Variants in TSPEAR observed in about 807,000 individuals in gnomAD.
TSPEAR encodes thrombospondin-type laminin G domain and EAR repeat-containing protein.
In TSPEAR, 69 loss-of-function variants were observed where a neutral mutation model predicts 71.6. The ratio of observed to expected loss-of-function variants is 0.96; its 90% confidence interval spans 0.79 to 1.18. TSPEAR has a LOEUF of 1.18. TSPEAR is among the 50% of genes most tolerant of loss of function. The probability of loss-of-function intolerance (pLI) is 0.00; values close to 1 mark genes in which losing one functional copy is unlikely to be tolerated. For synonymous variants in TSPEAR, 402 were observed against 387.2 expected (o/e 1.04, Z -0.45); for missense variants, 971 against 894.9 (o/e 1.09, Z -1.09).
intron 1 of TSPEAR, among the ~76,000 whole-genome samples, chr21:44,652,234 C>T (rs932233841): frequency 6.6e-6 from 1 of 152,218 alleles, no homozygotes; most frequent in African/African-American, 2.4e-5. Flanking sequence ...CCGCCCGCCT[C>T]GGCCTCCCAG....
chr21:44,600,760 T>G, intron 1 of TSPEAR: 1 of 1,600,774 alleles, frequency 6.2e-7, no homozygotes, highest in Non-Finnish European at 8.5e-7. Flanking sequence ...GCCCCCCTGC[T>G]GCGCCCCGGC....
At chr21:44,573,757 C>T in intron 1 of TSPEAR, 4 of 1,613,282 alleles carry the variant, frequency 2.5e-6, no homozygotes, top group African/African-American at 2.7e-5. Flanking sequence ...GCAGCATCCA[C>T]CATGTCCGTC....
rs1358855945 is a variant in TSPEAR, at chr21:44,513,030, A to ATGAT, written c.1567-3648_1567-3645dup. On this transcript the variant is annotated intron_variant, in intron 9 of 11. Transcript: ENST00000323084. ...GTTCAATCTAAATTTCAGACAACGA[A>ATGAT]TGATTCTTTAGTCTGTGTGTATCCC... Among the ~76,000 whole-genome samples, 6 of 152,228 alleles carry ATGAT rather than the reference A, an allele frequency of 3.9e-5. 1 individual carries two copies. Among genetic ancestry groups the ATGAT allele is most frequent in the Admixed American group, 3.3e-4 (5 of 15,288 alleles).
intron 1 of TSPEAR, among the ~76,000 whole-genome samples, chr21:44,667,911 T>C (rs55849917): frequency 1.6e-3 from 242 of 152,298 alleles, no homozygotes; most frequent in Non-Finnish European, 2.9e-3. Flanking sequence ...AGAAGAAAAC[T>C]ACCTCAACAC....
chr21:44,517,535 T>G, intron 9 of TSPEAR: 1 of 342,492 alleles, frequency 2.9e-6, no homozygotes, highest in South Asian at 2.2e-5. Context: ...TGAGTACAGG[T>G]CCAGCTAGGC....
At chr21:44,569,653 T>C (rs1410399365) in intron 1 of TSPEAR, among the ~76,000 whole-genome samples, 2 of 152,166 alleles carry the variant, frequency 1.3e-5, no homozygotes, top group African/African-American at 4.8e-5. Flanking sequence ...TTACTATTTA[T>C]GCAATTAAAC....
At chr21:44,658,022 T>C in intron 1 of TSPEAR, 1 of 1,613,974 alleles carries the variant, frequency 6.2e-7, no homozygotes, top group South Asian at 1.1e-5. Context: ...GCCAACCTGC[T>C]GCATACACAG....
At chr21:44,597,432 C>CTTTCTTTTTTTTTTTTTTTTT (rs1980437877) in intron 1 of TSPEAR, among the ~76,000 whole-genome samples, 2 of 130,616 alleles carry the variant, frequency 1.5e-5, no homozygotes, top group African/African-American at 6.5e-5. Flanking sequence ...TTCTTTCTTT[C>CTTTCTTTTTTTTTTTTTTTTT]TTTTCTTTTT....
intron 11 of TSPEAR, among the ~76,000 whole-genome samples, chr21:44,502,192 G>A (rs28429122): frequency 0.04 from 6,044 of 152,226 alleles, 436 homozygotes; most frequent in African/African-American, 0.14. Flanking sequence ...GCCCTGGCCC[G>A]GATGGCCCAC....
chr21:44,528,603 G>A lies in TSPEAR; in HGVS notation c.791-20C>T. On this transcript the variant is annotated intron_variant, in intron 5 of 11. Transcript: ENST00000323084. Reference sequence around the variant, plus strand: ...TGGTTTCTGAGGGGAAGACCAGGAAGATGAGTTTCCAGCAAGCCAGTGCCC... The same window carrying A: ...TGGTTTCTGAGGGGAAGACCAGGAAAATGAGTTTCCAGCAAGCCAGTGCCC... 1.2e-6 allele frequency: 2 copies of A among 1,612,442 alleles called. No individual in the cohort carries two copies. Among genetic ancestry groups the A allele is most frequent in the Non-Finnish European group, 1.7e-6 (2 of 1,179,274 alleles).
At chr21:44,669,090 A>C (rs55962178) in intron 1 of TSPEAR, among the ~76,000 whole-genome samples, 6,000 of 152,330 alleles carry the variant, frequency 0.039, 128 homozygotes, top group Middle Eastern at 0.085. Context: ...AAGAATTAAG[A>C]AAAATGAAAA....
chr21:44,516,286 TGCCAGGCCTTGTTTATCTGGGAGC>T lies in TSPEAR; in HGVS notation c.1566+5573_1566+5596del, dbSNP rs1555913416. On this transcript the variant is annotated intron_variant, in intron 9 of 11. Coordinates refer to ENST00000323084, the MANE Select transcript of TSPEAR (RefSeq NM_144991.3). ...CCACATGCAGGGCAGTGGCCAGGGC[TGCCAGGCCTTGTTTATCTGGGAGC>T]GCCAGGCTGCCTGCCTGCACCTGGT... is the stretch of plus-strand genomic sequence containing the variant. 2.0e-5 allele frequency: 3 copies of T among 152,306 alleles called. No individual in the cohort carries two copies. The East Asian group carries it at 5.8e-4, about 29-fold the overall frequency. 9.4% of individuals were successfully genotyped at this position (152,306 alleles called of 1,614,324 possible).
In TSPEAR at chr21:44,527,348, G is replaced by C. The variant is rs782360263; in HGVS notation, c.1093C>G (p.Gln365Glu). 1 of 1,614,226 alleles carries C rather than the reference G, an allele frequency of 6.2e-7. No individual in the cohort carries two copies. Among genetic ancestry groups the C allele is most frequent in the South Asian group, 1.1e-5 (1 of 91,080 alleles). Residue 365 changes from glutamine (Q) to glutamate (E), a missense_variant, in exon 7 of 12, where the codon CAG becomes GAG. Gln to Glu is a conservative substitution (Grantham distance 29). Coordinates refer to ENST00000323084, the MANE Select transcript of TSPEAR (RefSeq NM_144991.3). ...TGTGCTTGGTGCGTGGGGATGTTCT[G>C]ATATGAGACGAACTTCTCTTCGGTC... ...KWTEEKFVSYQNIPTHQAQAW... is the reference protein window; with the variant it reads ...KWTEEKFVSYENIPTHQAQAW...
chr21:44,575,238 T>G, intron 1 of TSPEAR: 4 of 588,228 alleles, frequency 6.8e-6, no homozygotes, highest in Non-Finnish European at 9.3e-6. Context: ...CTCCCCTCCA[T>G]ATCTCCCACC....
In TSPEAR at chr21:44,557,921, A is replaced by C. The variant is rs1454766141; in HGVS notation, c.303+9864T>G. On this transcript the variant is annotated intron_variant, in intron 2 of 11. Transcript: ENST00000323084. Reference sequence around the variant, plus strand: ...CATGCCTGGAGGGAATCGGCATGAAAGCTCAGCATTGCTGGCTGGAGGTGC... The same window carrying C: ...CATGCCTGGAGGGAATCGGCATGAACGCTCAGCATTGCTGGCTGGAGGTGC... 4 of 1,116,932 alleles carry C rather than the reference A, an allele frequency of 3.6e-6. No homozygotes were observed. In the African/African-American group the frequency reaches 6.3e-5, roughly 18 times the overall value. 69.2% of individuals were successfully genotyped at this position (1,116,932 alleles called of 1,614,324 possible).
rs60258195 is a variant in TSPEAR at position 44,510,345 on chromosome 21, C to T, written c.1567-959G>A. Among the ~76,000 whole-genome samples the T allele has an allele frequency of 4.2e-3, 641 of 152,320 alleles. 8 individuals are homozygous for T. The highest frequency in any genetic ancestry group is 0.015 in the African/African-American group (604 of 41,572). Reference sequence around the variant, plus strand: ...TGTCTCTTCCTGACTCACCCCCGTCCGGAGGGCCTTCTGCCTGAGGGACAT... The same window carrying T: ...TGTCTCTTCCTGACTCACCCCCGTCTGGAGGGCCTTCTGCCTGAGGGACAT... On this transcript the variant is annotated intron_variant, in intron 9 of 11. Transcript: ENST00000323084.
At chr21:44,510,863 CGCCGAACCCTCGGCGGGGGCGGG>C (rs2052350269) in intron 9 of TSPEAR, 1 of 152,334 alleles carries the variant, frequency 6.6e-6, no homozygotes, top group Admixed American at 6.5e-5. Context: ...CACCTGGCGG[CGCCGAACCCTCGGCGGGGGCGGG>C]GCCGGGGGCT....
intron 1 of TSPEAR, among the ~76,000 whole-genome samples, chr21:44,585,871 G>A (rs782199219): frequency 2.1e-4 from 32 of 152,292 alleles, no homozygotes; most frequent in African/African-American, 6.5e-4. Context: ...TGTTGTTCAC[G>A]TTTTTAAGTG....
rs1171504650 is a variant in TSPEAR, at chr21:44,528,413, G to A, written c.922+39C>T. 4.3e-6 allele frequency: 7 copies of A among 1,611,830 alleles called. No homozygotes were observed. The African/African-American group carries it at 9.3e-5, about 22-fold the overall frequency. ...CTCCCAGTCACACTGTGCCAGAGTG[G>A]CCCTGCATGCCAACGCCCCGGGTGC... On this transcript the variant is annotated intron_variant, in intron 6 of 11. Coordinates refer to ENST00000323084, the MANE Select transcript of TSPEAR (RefSeq NM_144991.3).
Sources: gnomAD v4.1 joint callset for allele counts (sites outside exome capture counted in the v4.1 genomes callset) on GRCh38, gnomAD v4.1.1 for gene constraint, MANE v1.5 for transcripts, NCBI Gene and HGNC (gene_info 2026-07-23, HGNC 2026-07-21) for gene names.